DPYD: variants seen among roughly 807,000 people sequenced by gnomAD.
DPYD encodes dihydropyrimidine dehydrogenase [NADP(+)].
DPYD carries 109 observed loss-of-function variants against 116.2 expected under a neutral mutation model. The observed-to-expected ratio is 0.94, with a 90% CI of 0.80 to 1.10. The LOEUF (loss-of-function observed/expected upper bound fraction) is 1.10, where lower values mean the gene tolerates loss of function less well. Among genes scored for constraint, DPYD ranks in the 50% least tolerant of loss-of-function variants. The pLI, the probability that DPYD is intolerant of heterozygous loss-of-function variation, is 0.00. For synonymous variants in DPYD, 440 were observed against 432.0 expected (o/e 1.02, Z -0.23); for missense variants, 1,302 against 1,254.5 (o/e 1.04, Z -0.57).
chr1:97,843,851 G>C (rs1300945585), intron 2 of DPYD, among the ~76,000 whole-genome samples: 7 of 151,936 alleles, frequency 4.6e-5, no homozygotes. Flanking sequence ...AATGAATAGG[G>C]GAGAGATGAT....
At chr1:97,390,581 G>C (rs993188060) in intron 14 of DPYD, among the ~76,000 whole-genome samples, 3 of 151,656 alleles carry the variant, frequency 2.0e-5, no homozygotes, top group Non-Finnish European at 2.9e-5. Context: ...TTTGTTCATT[G>C]CTTACTTAAT....
At chr1:97,791,823 T>C (rs1667335290) in intron 3 of DPYD, among the ~76,000 whole-genome samples, 1 of 152,218 alleles carries the variant, frequency 6.6e-6, no homozygotes, top group African/African-American at 2.4e-5. Flanking sequence ...TGCACCAATA[T>C]TGTAATGGAT....
chr1:97,231,689 A>G (rs1374498437), intron 19 of DPYD, among the ~76,000 whole-genome samples: 1 of 152,210 alleles, frequency 6.6e-6, no homozygotes, highest in Non-Finnish European at 1.5e-5. Context: ...AGCCATATCA[A>G]TCACTTTTAT....
At chr1:97,666,966 T>C (rs1322885204) in intron 8 of DPYD, among the ~76,000 whole-genome samples, 1 of 152,238 alleles carries the variant, frequency 6.6e-6, no homozygotes, top group African/African-American at 2.4e-5. Context: ...AAGTAATTTT[T>C]TGGTGCATCA....
intron 16 of DPYD, among the ~76,000 whole-genome samples, chr1:97,318,419 G>C (rs572328592): frequency 7.0e-4 from 104 of 148,090 alleles, no homozygotes; most frequent in African/African-American, 2.5e-3. Context: ...AAAAAAGGCA[G>C]GGGTTGCAAT....
In DPYD at chr1:97,746,639, G is replaced by A. The variant is rs556097369; in HGVS notation, c.234-6160C>T. ...CTTTTGGTATACAGTGGTGGAATAC[G>A]AAAGACGTGATGGAAATTGTATACA... On this transcript the variant is annotated intron_variant, in intron 3 of 22. Coordinates refer to ENST00000370192, the MANE Select transcript of DPYD (RefSeq NM_000110.4). Among the ~76,000 whole-genome samples the A allele has an allele frequency of 1.1e-4, 17 of 152,168 alleles. No homozygotes were observed. In the South Asian group the frequency reaches 2.1e-3, roughly 19 times the overall value.
chr1:97,345,516 C>T (rs1669796411), intron 16 of DPYD, among the ~76,000 whole-genome samples: 2 of 151,858 alleles, frequency 1.3e-5, no homozygotes. Context: ...AAATGGAGTC[C>T]AAGTGGAATG....
At chr1:97,720,279 C>T in intron 5 of DPYD, 1 of 985,286 alleles carries the variant, frequency 1.0e-6, no homozygotes, top group Non-Finnish European at 1.2e-6. Context: ...GATATACATA[C>T]TATGTGACCT....
At chr1:97,659,031 T>C (rs1296905258) in intron 8 of DPYD, among the ~76,000 whole-genome samples, 1 of 152,168 alleles carries the variant, frequency 6.6e-6, no homozygotes, top group African/African-American at 2.4e-5. Context: ...GGAAGTTTTC[T>C]ATGGCTCCCT....
rs963178448 is a variant in DPYD, at chr1:97,620,872, A to G, written c.851-25706T>C. 5.3e-5 allele frequency among the ~76,000 whole-genome samples: 8 copies of G among 152,132 alleles called. 1 individual carries two copies. The highest frequency in any genetic ancestry group is 4.6e-4 in the Admixed American group (7 of 15,252). On this transcript the variant is annotated intron_variant, in intron 8 of 22. Coordinates refer to ENST00000370192, the MANE Select transcript of DPYD (RefSeq NM_000110.4). ...AGCTTCCTACTTGTACATGGATTAC[A>G]GCTTTATTTAACAATTCGATAATTA... is the stretch of plus-strand genomic sequence containing the variant.
chr1:97,112,215 T>C (rs1651649450), intron 20 of DPYD, among the ~76,000 whole-genome samples: 1 of 152,150 alleles, frequency 6.6e-6, no homozygotes, highest in South Asian at 2.1e-4. Flanking sequence ...TACGATATAG[T>C]AAACATTTCC....
chr1:97,254,201 C>G (rs1407887415), intron 18 of DPYD, among the ~76,000 whole-genome samples: 1 of 152,094 alleles, frequency 6.6e-6, no homozygotes. Context: ...TTTTCACAAA[C>G]ATTTTGCCTT....
rs34678676 is a variant in DPYD at position 97,240,240 on chromosome 1, A to AT, written c.2300-5247dup. 2.2e-3 allele frequency among the ~76,000 whole-genome samples: 326 copies of AT among 148,284 alleles called. 1 individual carries two copies. The highest frequency in any genetic ancestry group is 6.7e-3 in the African/African-American group (275 of 40,804). On this transcript the variant is annotated intron_variant, in intron 18 of 22. Coordinates refer to ENST00000370192, the MANE Select transcript of DPYD (RefSeq NM_000110.4). ...AAAGGCTGACATCAATATATTTAAG[A>AT]TTTTTTTTTTTTGAGAAGCAAAATG...
chr1:97,798,173 A>G (rs765608709), intron 3 of DPYD: 4 of 152,140 alleles, frequency 2.6e-5, no homozygotes, highest in Non-Finnish European at 4.4e-5. Context: ...CTTCCCAACA[A>G]GAATATGGTC....
At chr1:97,813,915 G>GACACACACACACACACAC (rs59229553) in intron 3 of DPYD, among the ~76,000 whole-genome samples, 1 of 144,630 alleles carries the variant, frequency 6.9e-6, no homozygotes, top group African/African-American at 2.6e-5. Flanking sequence ...GAAACACACA[G>GACACACACACACACACAC]ACACACACAC....
chr1:97,155,556 T>G (rs1159324974), intron 20 of DPYD, among the ~76,000 whole-genome samples: 1 of 152,216 alleles, frequency 6.6e-6, no homozygotes, highest in Non-Finnish European at 1.5e-5. Flanking sequence ...TACTATAATT[T>G]GTTCTTCACT....
chr1:97,250,604 T>C (rs553244249), intron 18 of DPYD, among the ~76,000 whole-genome samples: 3 of 152,290 alleles, frequency 2.0e-5, no homozygotes, highest in African/African-American at 7.2e-5. Context: ...TTAAAAATTA[T>C]ATTGAACGTA....
At chr1:97,419,906 C>T (rs926819401) in intron 14 of DPYD, 2 of 152,164 alleles carry the variant, frequency 1.3e-5, no homozygotes, top group African/African-American at 4.8e-5. Flanking sequence ...TCTGACAATG[C>T]CTATTTTCCT....
intron 18 of DPYD, among the ~76,000 whole-genome samples, chr1:97,246,993 G>T (rs1662763957): frequency 6.6e-6 from 1 of 152,040 alleles, no homozygotes; most frequent in Non-Finnish European, 1.5e-5. Flanking sequence ...CCTTTCTAGA[G>T]ATCATAAAGT....
Sources: gnomAD v4.1 joint callset for allele counts (sites outside exome capture counted in the v4.1 genomes callset) on GRCh38, gnomAD v4.1.1 for gene constraint, MANE v1.5 for transcripts, NCBI Gene and HGNC (gene_info 2026-07-23, HGNC 2026-07-21) for gene names.